Variants in MRPL13 observed in about 807,000 individuals in gnomAD.
MRPL13 encodes mitochondrial ribosomal protein L13.
Under a neutral mutation model 29.0 loss-of-function variants are expected in MRPL13, and 33 were observed. That is an observed-to-expected ratio of 1.14 (90% confidence interval 0.86 to 1.52). The LOEUF (loss-of-function observed/expected upper bound fraction) is 1.52, where lower values mean the gene tolerates loss of function less well. Ranked by LOEUF, MRPL13 falls within the 40% of genes most tolerant of loss-of-function variation. The pLI is 0.00. For synonymous variants in MRPL13, 77 were observed against 68.4 expected (o/e 1.13, Z -0.62); for missense variants, 227 against 216.7 (o/e 1.05, Z -0.30).
intron 4 of MRPL13, among the ~76,000 whole-genome samples, chr8:120,424,707 A>C (rs1043983615): frequency 7.9e-5 from 12 of 152,148 alleles, no homozygotes; most frequent in African/African-American, 2.4e-4. Flanking sequence ...TTGAGGCTGC[A>C]GTGAGCTATC....
intron 6 of MRPL13, among the ~76,000 whole-genome samples, chr8:120,399,402 A>G (rs1195122556): frequency 1.3e-5 from 2 of 152,234 alleles, no homozygotes; most frequent in South Asian, 2.1e-4. Context: ...ACCAAGCTTC[A>G]TAAGTGAAGA....
At position 120,418,292 on chromosome 8, in the gene MRPL13, ATTTG is replaced by A. The variant is rs575721595; in HGVS notation, c.393+1556_393+1559del. Reference sequence around the variant, plus strand: ...AATTTATTTCCTATGAATAAGCATTATTTGTTTTTCTTATTGTACCATTATTGAA... The same window carrying A: ...AATTTATTTCCTATGAATAAGCATTATTTTTCTTATTGTACCATTATTGAA... On this transcript the variant is annotated intron_variant, in intron 5 of 6. Coordinates refer to ENST00000306185, the MANE Select transcript of MRPL13 (RefSeq NM_014078.6). Among the ~76,000 whole-genome samples, 16 of 152,234 alleles carry A rather than the reference ATTTG, an allele frequency of 1.1e-4. No individual in the cohort carries two copies. The South Asian group carries it at 2.7e-3, about 26-fold the overall frequency.
At chr8:120,404,681 C>T (rs1199594458) in intron 6 of MRPL13, among the ~76,000 whole-genome samples, 1 of 152,184 alleles carries the variant, frequency 6.6e-6, no homozygotes, top group African/African-American at 2.4e-5. Context: ...AAAGACTTCA[C>T]ATGAATTATT....
At chr8:120,414,941 C>G (rs1217047974) in intron 5 of MRPL13, 2 of 152,078 alleles carry the variant, frequency 1.3e-5, no homozygotes, top group African/African-American at 4.8e-5. Context: ...AAGCTGGAGA[C>G]AAGAAGAGTT....
In MRPL13 at chr8:120,428,873, A is replaced by G. The variant is rs567314932; in HGVS notation, c.245+3157T>C. On this transcript the variant is annotated intron_variant, in intron 3 of 6. Coordinates refer to ENST00000306185, the MANE Select transcript of MRPL13 (RefSeq NM_014078.6). ...GCTGTAGAGAAAAAGGAATGCTTTT[A>G]CACTGTTGGTGGGAATTTTACACTG... Among the ~76,000 whole-genome samples, 3 of 151,036 alleles carry G rather than the reference A, an allele frequency of 2.0e-5. No individual in the cohort carries two copies. In the East Asian group the frequency reaches 5.8e-4, roughly 29 times the overall value.
At chr8:120,440,392 C>A (rs565363310) in intron 2 of MRPL13, among the ~76,000 whole-genome samples, 8 of 152,164 alleles carry the variant, frequency 5.3e-5, no homozygotes, top group Admixed American at 2.0e-4. Flanking sequence ...GGATCACCTG[C>A]GGTCAGGAGT....
At chr8:120,400,132 G>C (rs1812574177) in intron 6 of MRPL13, among the ~76,000 whole-genome samples, 1 of 152,166 alleles carries the variant, frequency 6.6e-6, no homozygotes, top group Non-Finnish European at 1.5e-5. Context: ...GGATCAAACA[G>C]AACTGATAGA....
chr8:120,415,643 A>G (rs767558623), intron 5 of MRPL13: 2 of 152,194 alleles, frequency 1.3e-5, no homozygotes, highest in African/African-American at 2.4e-5. Context: ...AAAACACAAT[A>G]GATACTCTTG....
In MRPL13 at chr8:120,414,115, A is replaced by G; in HGVS notation, c.394-3T>C. The G allele has an allele frequency of 6.5e-7, 1 of 1,531,436 alleles. No homozygotes were observed. Among genetic ancestry groups the G allele is most frequent in the Non-Finnish European group, 8.7e-7 (1 of 1,146,912 alleles). 94.9% of individuals were successfully genotyped at this position (1,531,436 alleles called of 1,614,324 possible). On this transcript the variant is annotated splice_region_variant and splice_polypyrimidine_tract_variant and intron_variant, in intron 5 of 6. Transcript: ENST00000306185. Reference sequence around the variant, plus strand: ...TTAAGAATATCTTCTGGAATATACTACATTAAAAAAAAATTTAGACTTAAT... The same window carrying G: ...TTAAGAATATCTTCTGGAATATACTGCATTAAAAAAAAATTTAGACTTAAT...
intron 5 of MRPL13, chr8:120,415,711 G>A (rs1812795591): frequency 6.6e-6 from 1 of 151,938 alleles, no homozygotes; most frequent in South Asian, 2.1e-4. Flanking sequence ...TTCTCCTATT[G>A]TTATCACTTT....
chr8:120,423,869 A>T (rs1812901571), intron 4 of MRPL13, among the ~76,000 whole-genome samples: 2 of 152,158 alleles, frequency 1.3e-5, no homozygotes, highest in African/African-American at 4.8e-5. Context: ...CAATTGGAAG[A>T]GTTTTTTTAA....
chr8:120,425,306 T>G lies in MRPL13; in HGVS notation c.306A>C (p.Ala102=), dbSNP rs752623343. The part of the protein sequence containing the change: ...AAQLHLRDPV[A]IVKLAIYGML... ...TTAATAAAAAATACAAGAAACTTAC[T>G]GCCACTGGATCCCTCAGGTGAAGCT... Residue 102 remains alanine (A), a splice_region_variant and synonymous_variant, in exon 4 of 7, where the codon GCA becomes GCC. Transcript: ENST00000306185. The G allele has an allele frequency of 3.4e-5, 55 of 1,610,240 alleles. No homozygotes were observed. The highest frequency in any genetic ancestry group is 4.5e-5 in the Non-Finnish European group (53 of 1,177,172).
Position 120,411,825 on chromosome 8 carries a change from A to G in MRPL13, c.515+2166T>C, listed in dbSNP as rs377698450. Among the ~76,000 whole-genome samples the G allele has an allele frequency of 7.9e-4, 121 of 152,216 alleles. 1 individual carries two copies. The highest frequency in any genetic ancestry group is 2.7e-3 in the African/African-American group (114 of 41,542). ...CTAGTGGCTCTAAGTTTCTCTAAAA[A>G]TCTCCTTAAAAATAGCTATAGAAAA... is the stretch of plus-strand genomic sequence containing the variant. On this transcript the variant is annotated intron_variant, in intron 6 of 6. Coordinates refer to ENST00000306185, the MANE Select transcript of MRPL13 (RefSeq NM_014078.6).
intron 3 of MRPL13, among the ~76,000 whole-genome samples, chr8:120,427,677 A>G (rs1391288693): frequency 1.3e-5 from 2 of 152,142 alleles, no homozygotes; most frequent in Non-Finnish European, 2.9e-5. Context: ...GAAACCAGAG[A>G]TGAAGGCTGG....
intron 6 of MRPL13, among the ~76,000 whole-genome samples, chr8:120,412,355 T>C (rs373495157): frequency 6.6e-6 from 1 of 152,174 alleles, no homozygotes; most frequent in East Asian, 1.9e-4. Flanking sequence ...CATGTTAAAA[T>C]GGTATAGAAT....
intron 6 of MRPL13, among the ~76,000 whole-genome samples, chr8:120,410,618 G>T (rs978277899): frequency 2.0e-5 from 3 of 151,966 alleles, no homozygotes; most frequent in Non-Finnish European, 2.9e-5. Context: ...TCACTAACAC[G>T]TAATTTTATT....
At chr8:120,425,958 G>A (rs956808206) in intron 3 of MRPL13, among the ~76,000 whole-genome samples, 6 of 152,010 alleles carry the variant, frequency 3.9e-5, no homozygotes, top group African/African-American at 1.4e-4. Flanking sequence ...TAGTACTGGA[G>A]GCAGCTTAGC....
chr8:120,432,129 T>C lies in MRPL13; in HGVS notation c.152-6A>G. ...AACATGATCCCCACAGTCACCTACA[T>C]TTTAAAAAGAAACAAGATTTTGTAA... On this transcript the variant is annotated splice_polypyrimidine_tract_variant and splice_region_variant and intron_variant, in intron 2 of 6. Transcript: ENST00000306185. 7.7e-6 allele frequency: 12 copies of C among 1,554,066 alleles called. No individual in the cohort carries two copies. Among genetic ancestry groups the C allele is most frequent in the Non-Finnish European group, 1.0e-5 (12 of 1,155,668 alleles).
In MRPL13 at chr8:120,414,130, T is replaced by G; in HGVS notation, c.394-18A>C. 2 of 1,474,526 alleles carry G rather than the reference T, an allele frequency of 1.4e-6. No homozygotes were observed. The highest frequency in any genetic ancestry group is 1.8e-6 in the Non-Finnish European group (2 of 1,110,928). 91.3% of individuals were successfully genotyped at this position (1,474,526 alleles called of 1,614,324 possible). A position where few individuals can be genotyped will look rare whatever the true frequency, so the allele number is the denominator to read the frequency against. ...GGAATATACTACATTAAAAAAAAATTTAGACTTAATTTTCTTAAAATATCT... is the reference window on the plus strand; with the variant it reads ...GGAATATACTACATTAAAAAAAAATGTAGACTTAATTTTCTTAAAATATCT... On this transcript the variant is annotated intron_variant, in intron 5 of 6. Transcript: ENST00000306185.
Sources: allele counts gnomAD v4.1 joint callset (sites outside exome capture counted in the v4.1 genomes callset), GRCh38; gene constraint gnomAD v4.1.1; transcripts MANE v1.5; gene names NCBI Gene and HGNC (gene_info 2026-07-23, HGNC 2026-07-21).